PRKAG2: variants seen among roughly 807,000 people sequenced by gnomAD.
PRKAG2 encodes 5'-AMP-activated protein kinase subunit gamma-2.
A neutral mutation model predicts 69.6 loss-of-function variants in PRKAG2; 26 were observed. The observed-to-expected ratio is 0.37, with a 90% CI of 0.27 to 0.52. PRKAG2 has a LOEUF of 0.52. PRKAG2 is among the 20% of genes least tolerant of loss of function. PRKAG2 has a pLI of 0.90. For synonymous variants in PRKAG2, 293 were observed against 285.0 expected (o/e 1.03, Z -0.28); for missense variants, 557 against 740.0 (o/e 0.75, Z 2.87).
At chr7:151,816,252 C>T (rs1586658581) in intron 1 of PRKAG2, among the ~76,000 whole-genome samples, 1 of 152,314 alleles carries the variant, frequency 6.6e-6, no homozygotes, top group Non-Finnish European at 1.5e-5. Flanking sequence ...CGTGCTGTGG[C>T]CAGATAGCTC....
rs147940682 is a variant in PRKAG2 at position 151,830,510 on chromosome 7, C to T, written c.115-43969G>A. ...CTCTCCTTTGAGGTAACACACGGAG[C>T]TGGAAGGACTGGGGGACGGAAACTC... On this transcript the variant is annotated intron_variant, in intron 1 of 15. Coordinates refer to ENST00000287878, the MANE Select transcript of PRKAG2 (RefSeq NM_016203.4). Among the ~76,000 whole-genome samples the T allele has an allele frequency of 4.6e-4, 70 of 152,082 alleles. 1 individual carries two copies. The highest frequency in any genetic ancestry group is 1.6e-3 in the African/African-American group (67 of 41,570).
chr7:151,876,513 G>A lies in PRKAG2; in HGVS notation c.108C>T (p.His36=), dbSNP rs753210415. 2.5e-6 allele frequency: 4 copies of A among 1,606,260 alleles called. No individual in the cohort carries two copies. The highest frequency in any genetic ancestry group is 2.5e-6 in the Non-Finnish European group (3 of 1,179,628). Residue 36 remains histidine (H), a synonymous_variant, in exon 1 of 16, where the codon CAC becomes CAT. Coordinates refer to ENST00000287878, the MANE Select transcript of PRKAG2 (RefSeq NM_016203.4). The part of the protein sequence containing the change: ...ASQKRRSLRV[H]IPDLSSFAMP... ...ACCGAGTGCTGGGACTCACCGGAAT[G>A]TGCACGCGCAGCGAACGCCTCTTCT...
intron 4 of PRKAG2, among the ~76,000 whole-genome samples, chr7:151,660,976 C>G (rs959268957): frequency 6.6e-6 from 1 of 152,232 alleles, no homozygotes; most frequent in African/African-American, 2.4e-5. Context: ...TAAGCATGCT[C>G]ACACTGTGGT....
intron 1 of PRKAG2, among the ~76,000 whole-genome samples, chr7:151,844,860 T>C (rs1458603467): frequency 1.3e-5 from 2 of 152,224 alleles, no homozygotes; most frequent in African/African-American, 4.8e-5. Context: ...CATGCAATTG[T>C]TGTCACATAC....
At chr7:151,874,868 A>G (rs1178141485) in intron 1 of PRKAG2, among the ~76,000 whole-genome samples, 1 of 152,194 alleles carries the variant, frequency 6.6e-6, no homozygotes. Flanking sequence ...CCACCTGGGG[A>G]GCAGAGTGAC....
chr7:151,872,060 C>A (rs554911772), intron 1 of PRKAG2, among the ~76,000 whole-genome samples: 1 of 152,330 alleles, frequency 6.6e-6, no homozygotes, highest in East Asian at 1.9e-4. Flanking sequence ...GGTGAGGAAG[C>A]AAATGTGATT....
chr7:151,705,020 T>C (rs1038373241), intron 3 of PRKAG2, among the ~76,000 whole-genome samples: 2 of 152,218 alleles, frequency 1.3e-5, no homozygotes, highest in Non-Finnish European at 2.9e-5. Flanking sequence ...GTGTGTCAGA[T>C]ACTATCTTCT....
intron 14 of PRKAG2, among the ~76,000 whole-genome samples, chr7:151,561,974 C>T (rs1303524127): frequency 1.4e-5 from 2 of 141,892 alleles, no homozygotes; most frequent in South Asian, 2.3e-4. Context: ...GAGCCGGGTG[C>T]GGTGGCTCAC....
intron 3 of PRKAG2, among the ~76,000 whole-genome samples, chr7:151,710,190 GC>G (rs1186169395): frequency 2.0e-5 from 3 of 152,250 alleles, no homozygotes; most frequent in Admixed American, 2.0e-4. Context: ...GATGGCAGAG[GC>G]AGGTGGAGAC....
chr7:151,866,739 G>T (rs1315983379), intron 1 of PRKAG2, among the ~76,000 whole-genome samples: 1 of 152,176 alleles, frequency 6.6e-6, no homozygotes, highest in Non-Finnish European at 1.5e-5. Flanking sequence ...GGTGAGCAGG[G>T]TGGAGCTGAG....
intron 3 of PRKAG2, among the ~76,000 whole-genome samples, chr7:151,778,400 C>A (rs1451370900): frequency 1.3e-5 from 2 of 152,206 alleles, no homozygotes; most frequent in Non-Finnish European, 1.5e-5. Context: ...TGGCACCATG[C>A]CTCTGTGCAG....
intron 15 of PRKAG2, chr7:151,557,704 T>C (rs1256244393): frequency 4.1e-6 from 2 of 483,960 alleles, no homozygotes; most frequent in Non-Finnish European, 5.4e-6. Context: ...ACCCTGTCTC[T>C]ACTAAAAATA....
In PRKAG2 at chr7:151,579,620, C is replaced by T. The variant is rs77243089; in HGVS notation, c.865-3168G>A. 5.7e-3 allele frequency among the ~76,000 whole-genome samples: 863 copies of T among 152,290 alleles called. 8 individuals carry two copies. Among genetic ancestry groups the T allele is most frequent in the African/African-American group, 0.019 (802 of 41,552 alleles). On this transcript the variant is annotated intron_variant, in intron 6 of 15. Coordinates refer to ENST00000287878, the MANE Select transcript of PRKAG2 (RefSeq NM_016203.4). ...AAAGAAGGCTATGCATTGAGCATCA[C>T]ATTCATTCTGGAATTTTTCTGAGGG...
At chr7:151,832,940 C>A (rs1244459583) in intron 1 of PRKAG2, among the ~76,000 whole-genome samples, 1 of 152,178 alleles carries the variant, frequency 6.6e-6, no homozygotes, top group Non-Finnish European at 1.5e-5. Flanking sequence ...GACACCCACA[C>A]TGTCCCCTGA....
chr7:151,783,610 G>A (rs1267170292), intron 2 of PRKAG2, among the ~76,000 whole-genome samples: 2 of 152,058 alleles, frequency 1.3e-5, no homozygotes, highest in Non-Finnish European at 2.9e-5. Flanking sequence ...CAAATCCTGA[G>A]AATAAATTTA....
At chr7:151,853,540 C>T (rs1020874784) in intron 1 of PRKAG2, among the ~76,000 whole-genome samples, 3 of 152,010 alleles carry the variant, frequency 2.0e-5, no homozygotes, top group African/African-American at 4.8e-5. Flanking sequence ...GGGTGGATCA[C>T]GAGGTCAGGA....
At chr7:151,582,799 G>A (rs73156302) in intron 6 of PRKAG2, among the ~76,000 whole-genome samples, 25 of 152,228 alleles carry the variant, frequency 1.6e-4, no homozygotes, top group African/African-American at 5.5e-4. Context: ...TCCTTGGCCC[G>A]TGCCAGCTGT....
intron 5 of PRKAG2, among the ~76,000 whole-genome samples, chr7:151,620,644 AT>A (rs896495091): frequency 5.3e-5 from 8 of 151,742 alleles, no homozygotes; most frequent in African/African-American, 1.9e-4. Flanking sequence ...TACCTGGCTA[AT>A]TTTTTTTATT....
At chr7:151,875,078 T>C (rs1641881816) in intron 1 of PRKAG2, among the ~76,000 whole-genome samples, 1 of 152,198 alleles carries the variant, frequency 6.6e-6, no homozygotes, top group African/African-American at 2.4e-5. Context: ...CTCACGAACA[T>C]GGTTTTAAAT....
Sources: gnomAD v4.1 joint callset for allele counts (sites outside exome capture counted in the v4.1 genomes callset) on GRCh38, gnomAD v4.1.1 for gene constraint, MANE v1.5 for transcripts, NCBI Gene and HGNC (gene_info 2026-07-23, HGNC 2026-07-21) for gene names.